The following CDC14A variants were observed in gnomAD, a reference collection of about 807,000 sequenced individuals.
CDC14A encodes the protein dual specificity protein phosphatase CDC14A.
Under a neutral mutation model 74.4 loss-of-function variants are expected in CDC14A, and 53 were observed. The observed-to-expected ratio is 0.71, with a 90% CI of 0.57 to 0.89. The LOEUF (loss-of-function observed/expected upper bound fraction) is 0.89, where lower values mean the gene tolerates loss of function less well. Ranked by LOEUF, CDC14A falls within the 40% of genes least tolerant of loss-of-function variation. The pLI is 0.00. For missense variants in CDC14A, 646 were observed against 713.7 expected (o/e 0.91, Z 1.08); for synonymous variants, 247 against 258.4 (o/e 0.96, Z 0.43).
chr1:100,495,578 G>GC (rs1434247521), intron 12 of CDC14A, among the ~76,000 whole-genome samples: 1 of 152,126 alleles, frequency 6.6e-6, no homozygotes, highest in Non-Finnish European at 1.5e-5. Flanking sequence ...GGGTGGCAAG[G>GC]CCCCAGTCCA....
chr1:100,362,503 C>T (rs775238591), intron 2 of CDC14A, among the ~76,000 whole-genome samples: 4 of 151,916 alleles, frequency 2.6e-5, no homozygotes, highest in South Asian at 2.1e-4. Context: ...AATAATATTT[C>T]GGGGAAAGGA....
upstream of CDC14A, among the ~76,000 whole-genome samples, chr1:100,351,973 AGTGT>A (rs35169146): frequency 0.013 from 1,895 of 146,088 alleles, 24 homozygotes; most frequent in African/African-American, 0.028. Context: ...GGTTTTTACG[AGTGT>A]GTGTGTGTGT....
At chr1:100,358,374 T>C (rs1191315748) in intron 2 of CDC14A, among the ~76,000 whole-genome samples, 1 of 152,256 alleles carries the variant, frequency 6.6e-6, no homozygotes, top group Non-Finnish European at 1.5e-5. Context: ...ATGACATCTG[T>C]GTGCCCCTCC....
At chr1:100,427,900 G>A (rs991290344) in intron 5 of CDC14A, among the ~76,000 whole-genome samples, 1 of 152,128 alleles carries the variant, frequency 6.6e-6, no homozygotes, top group African/African-American at 2.4e-5. Context: ...CTGAAATGGG[G>A]GGGTAGGAGA....
chr1:100,520,115 A>G lies in CDC14A; in HGVS notation c.*1835A>G, dbSNP rs181388175. 1 of 152,684 alleles carries G rather than the reference A, an allele frequency of 6.5e-6. No individual in the cohort carries two copies. The highest frequency in any genetic ancestry group is 1.9e-4 in the East Asian group (1 of 5,190). 9.5% of individuals were successfully genotyped at this position (152,684 alleles called of 1,614,324 possible). A position where few individuals can be genotyped will look rare whatever the true frequency, so the allele number is the denominator to read the frequency against. ...CATAGACACACCAAGAAGTGGATGT[A>G]TATAATATAGAAAGTATATAGCAAA... On this transcript the variant is annotated 3_prime_UTR_variant, in exon 16 of 16. Coordinates refer to ENST00000336454, the MANE Select transcript of CDC14A (RefSeq NM_003672.4).
chr1:100,433,759 C>T (rs1442363576), intron 5 of CDC14A, among the ~76,000 whole-genome samples: 1 of 152,136 alleles, frequency 6.6e-6, no homozygotes, highest in African/African-American at 2.4e-5. Context: ...AAGGTTGCTT[C>T]ATTCTGAGTG....
At chr1:100,445,038 AAAG>A (rs1665384805) in intron 7 of CDC14A, among the ~76,000 whole-genome samples, 1 of 152,232 alleles carries the variant, frequency 6.6e-6, no homozygotes, top group African/African-American at 2.4e-5. Flanking sequence ...TACTTATAAG[AAAG>A]AAGGTCAGAT....
chr1:100,476,791 C>T (rs1208810068), intron 10 of CDC14A, among the ~76,000 whole-genome samples: 1 of 152,136 alleles, frequency 6.6e-6, no homozygotes, highest in Non-Finnish European at 1.5e-5. Flanking sequence ...TCCCCAAATA[C>T]AGGCATATTT....
intron 4 of CDC14A, among the ~76,000 whole-genome samples, chr1:100,417,756 A>G (rs1245087130): frequency 1.3e-5 from 2 of 152,194 alleles, no homozygotes; most frequent in African/African-American, 4.8e-5. Context: ...TTGTAGTGAT[A>G]TAGTCTTTTA....
chr1:100,454,905 C>T lies in CDC14A; in HGVS notation c.520-500C>T, dbSNP rs61380356. Among the ~76,000 whole-genome samples the T allele has an allele frequency of 3.3e-3, 496 of 152,132 alleles. 2 individuals are homozygous for T. Among genetic ancestry groups the T allele is most frequent in the African/African-American group, 0.011 (468 of 41,478 alleles). On this transcript the variant is annotated intron_variant, in intron 7 of 15. Transcript: ENST00000336454. ...GATGCGCCAATATCACTCGCTCCTG[C>T]CTTTTGCCATTTCCCCCTCTAAAAA... is the stretch of plus-strand genomic sequence containing the variant.
At chr1:100,509,629 T>C (rs28364906) in intron 15 of CDC14A, among the ~76,000 whole-genome samples, 5,319 of 152,332 alleles carry the variant, frequency 0.035, 327 homozygotes, top group African/African-American at 0.12. Flanking sequence ...CACATACATG[T>C]GGATGTGCAT....
chr1:100,424,179 G>A (rs773785521), intron 4 of CDC14A, 43 bp from the exon 5 acceptor site: 2 of 1,437,318 alleles, frequency 1.4e-6, no homozygotes, highest in South Asian at 1.1e-5. Context: ...TTAGTTTTGT[G>A]TCATTCTTGG....
chr1:100,408,577 CT>C, intron 4 of CDC14A, among the ~76,000 whole-genome samples: 1 of 152,300 alleles, frequency 6.6e-6, no homozygotes, highest in Middle Eastern at 3.4e-3. Flanking sequence ...TCACCAGCAT[CT>C]GTTATATTTT....
intron 2 of CDC14A, among the ~76,000 whole-genome samples, chr1:100,371,001 C>G (rs1416751673): frequency 6.6e-6 from 1 of 152,062 alleles, no homozygotes; most frequent in African/African-American, 2.4e-5. Flanking sequence ...TTGTAGTTCT[C>G]CTTGTAGAGA....
At chr1:100,377,651 G>A (rs771790842) in intron 3 of CDC14A, 30 bp downstream of exon 3, 6 of 1,524,568 alleles carry the variant, frequency 3.9e-6, no homozygotes, top group Non-Finnish European at 5.4e-6. Context: ...TTATAATTTG[G>A]AATTAAAACA....
intron 7 of CDC14A, 78 bp downstream of exon 7, chr1:100,443,074 C>T: frequency 2.2e-6 from 2 of 909,862 alleles, no homozygotes; most frequent in Non-Finnish European, 1.8e-6. Flanking sequence ...TCATGTATTG[C>T]AAATCGAGTG....
At chr1:100,440,701 A>C (rs1664833290) in intron 6 of CDC14A, among the ~76,000 whole-genome samples, 1 of 152,198 alleles carries the variant, frequency 6.6e-6, no homozygotes, top group East Asian at 1.9e-4. Context: ...GACATATATA[A>C]TAATGTCACA....
chr1:100,415,024 G>T (rs1661352105), intron 4 of CDC14A, among the ~76,000 whole-genome samples: 1 of 152,144 alleles, frequency 6.6e-6, no homozygotes, highest in Non-Finnish European at 1.5e-5. Flanking sequence ...GAAGCATTGT[G>T]TCACTGAGAC....
upstream of CDC14A, among the ~76,000 whole-genome samples, chr1:100,350,791 T>C (rs1557669070): frequency 6.6e-6 from 1 of 152,248 alleles, no homozygotes; most frequent in Non-Finnish European, 1.5e-5. Flanking sequence ...TACAACAACA[T>C]CTTTGGATTT....
Sources: gnomAD v4.1 joint callset for allele counts (sites outside exome capture counted in the v4.1 genomes callset) on GRCh38, gnomAD v4.1.1 for gene constraint, MANE v1.5 for transcripts, NCBI Gene and HGNC (gene_info 2026-07-23, HGNC 2026-07-21) for gene names.